The following GRIA4 variants were observed in gnomAD, a reference collection of about 807,000 sequenced individuals.
GRIA4 encodes the protein glutamate receptor 4.
GRIA4 carries 34 observed loss-of-function variants against 104.0 expected under a neutral mutation model. That is an observed-to-expected ratio of 0.33 (90% CI 0.25 to 0.44). The LOEUF (loss-of-function observed/expected upper bound fraction) is 0.44. Ranked by LOEUF, GRIA4 falls within the 20% of genes least tolerant of loss-of-function variation. GRIA4 has a pLI of 1.00. For synonymous variants in GRIA4, 386 were observed against 381.9 expected, an observed-to-expected ratio of 1.01 and a Z score of -0.13; for missense variants, 750 against 1,096.5, an observed-to-expected ratio of 0.68 and a Z score of 4.46.
At chr11:105,754,358 G>T (rs1940181439) in intron 4 of GRIA4, among the ~76,000 whole-genome samples, 1 of 152,154 alleles carries the variant, frequency 6.6e-6, no homozygotes, top group Non-Finnish European at 1.5e-5. Context: ...AAAGGCAAAT[G>T]AGTTAATGTT....
chr11:105,888,450 A>AT (rs1157901248), intron 6 of GRIA4, among the ~76,000 whole-genome samples: 26 of 148,048 alleles, frequency 1.8e-4, no homozygotes, highest in Middle Eastern at 3.4e-3. Context: ...CGCCCGGCTA[A>AT]TTTTTTTTTG....
intron 14 of GRIA4, among the ~76,000 whole-genome samples, chr11:105,944,923 T>C (rs370341871): frequency 7.2e-5 from 11 of 152,220 alleles, no homozygotes; most frequent in African/African-American, 2.4e-4. Context: ...TCTGATAATA[T>C]CCATTTCTCA....
At chr11:105,756,425 T>C (rs545089199) in intron 4 of GRIA4, among the ~76,000 whole-genome samples, 2 of 152,274 alleles carry the variant, frequency 1.3e-5, no homozygotes, top group South Asian at 2.1e-4. Flanking sequence ...CCAACACAAA[T>C]GTACCATTGA....
intron 14 of GRIA4, chr11:105,966,084 G>A: frequency 6.6e-7 from 1 of 1,512,206 alleles, no homozygotes; most frequent in Non-Finnish European, 9.2e-7. Context: ...GTCACCAAAA[G>A]CGGGTAAACA....
chr11:105,974,390 G>A lies in GRIA4; in HGVS notation c.2490G>A (p.Leu830=). Residue 830 remains leucine, a synonymous_variant, in exon 16 of 17, where the codon CTG becomes CTA. Transcript: ENST00000282499. ...TTGGCGGCTTGGGCTTGGCAATGCT[G>A]GTGGCTTTGATAGAGTTCTGTTACA... ...ILVGGLGLAM[L]VALIEFCYKS... 1 of 1,613,924 alleles carries A rather than the reference G, an allele frequency of 6.2e-7. No homozygotes were observed. Among genetic ancestry groups the A allele is most frequent in the Non-Finnish European group, 8.5e-7 (1 of 1,179,870 alleles).
rs1940824377 is a variant in GRIA4 at position 105,764,207 on chromosome 11, G to A, written c.487+10987G>A. On this transcript the variant is annotated intron_variant, in intron 4 of 16. Coordinates refer to ENST00000282499, the MANE Select transcript of GRIA4 (RefSeq NM_000829.4). Reference sequence around the variant, plus strand: ...GCTGGAATGCAGTGGCATGATCTCAGCTCACTGAGACCTCCACCTCCTGGG... The same window carrying A: ...GCTGGAATGCAGTGGCATGATCTCAACTCACTGAGACCTCCACCTCCTGGG... 2.6e-5 allele frequency among the ~76,000 whole-genome samples: 4 copies of A among 152,082 alleles called. 1 individual carries two copies. The highest frequency in any genetic ancestry group is 2.6e-4 in the Admixed American group (4 of 15,258).
At chr11:105,654,408 A>G (rs908791326) in intron 3 of GRIA4, among the ~76,000 whole-genome samples, 2 of 152,008 alleles carry the variant, frequency 1.3e-5, no homozygotes, top group African/African-American at 4.8e-5. Flanking sequence ...CAATCTGGCC[A>G]CTCCACAATT....
At chr11:105,890,746 T>A (rs1373277431) in intron 6 of GRIA4, among the ~76,000 whole-genome samples, 7 of 152,230 alleles carry the variant, frequency 4.6e-5, no homozygotes, top group African/African-American at 1.7e-4. Flanking sequence ...CAGCATGAGC[T>A]ATGCCTGATA....
At position 105,938,663 on chromosome 11, in the gene GRIA4, AAC is replaced by A. The variant is rs144806961; in HGVS notation, c.2294+4702_2294+4703del. On this transcript the variant is annotated intron_variant, in intron 14 of 16. Coordinates refer to ENST00000282499, the MANE Select transcript of GRIA4 (RefSeq NM_000829.4). ...AGTCTGTTGGGCTAAGGATTAGACA[AAC>A]ACACACAACAAAAATCATTTGCATC... Among the ~76,000 whole-genome samples the A allele has an allele frequency of 1.8e-3, 274 of 152,316 alleles. 7 individuals carry two copies. In the East Asian group the frequency reaches 0.044, roughly 24 times the overall value.
chr11:105,671,479 C>A (rs1473430215), intron 3 of GRIA4, among the ~76,000 whole-genome samples: 1 of 151,616 alleles, frequency 6.6e-6, no homozygotes, highest in African/African-American at 2.4e-5. Flanking sequence ...GAGTTCGAGA[C>A]TAGCCTGGCC....
chr11:105,686,759 T>C (rs1952895473), intron 3 of GRIA4, among the ~76,000 whole-genome samples: 1 of 152,188 alleles, frequency 6.6e-6, no homozygotes, highest in African/African-American at 2.4e-5. Context: ...TTTTTAGTAA[T>C]AGCCATTGTG....
At chr11:105,913,147 C>A in intron 10 of GRIA4, 1 of 515,958 alleles carries the variant, frequency 1.9e-6, no homozygotes, top group Non-Finnish European at 2.5e-6. Flanking sequence ...CTGCTATGTG[C>A]TAGGCACAGT....
chr11:105,836,737 G>T (rs1485037579), intron 4 of GRIA4, among the ~76,000 whole-genome samples: 1 of 152,128 alleles, frequency 6.6e-6, no homozygotes, highest in African/African-American at 2.4e-5. Flanking sequence ...AAGCACACTA[G>T]GTGATTCTGA....
chr11:105,914,922 G>A (rs1330891383), intron 10 of GRIA4, among the ~76,000 whole-genome samples: 1 of 152,046 alleles, frequency 6.6e-6, no homozygotes, highest in Non-Finnish European at 1.5e-5. Context: ...AAAAGATTTT[G>A]TATTTTCTTC....
chr11:105,738,930 CAA>C lies in GRIA4; in HGVS notation c.248-14038_248-14037del, dbSNP rs1301890108. On this transcript the variant is annotated intron_variant, in intron 3 of 16. Coordinates refer to ENST00000282499, the MANE Select transcript of GRIA4 (RefSeq NM_000829.4). ...TTGGAAGTTGACAAGTAAAAAAAAA[CAA>C]AAAAAAAAAAAACAAAAAAAACCCA... Among the ~76,000 whole-genome samples, 289 of 80,644 alleles carry C rather than the reference CAA, an allele frequency of 3.6e-3. 1 individual carries two copies. Among genetic ancestry groups the C allele is most frequent in the African/African-American group, 0.012 (270 of 23,090 alleles). The allele number at this position is 80,644 out of a possible 152,430, so 52.9% of individuals were successfully genotyped here. A position where few individuals can be genotyped will look rare whatever the true frequency, so the allele number is the denominator to read the frequency against.
At chr11:105,665,206 G>C (rs935690072) in intron 3 of GRIA4, among the ~76,000 whole-genome samples, 1 of 152,000 alleles carries the variant, frequency 6.6e-6, no homozygotes, top group Admixed American at 6.6e-5. Flanking sequence ...TTTTATGAGA[G>C]TCAAATTATT....
chr11:105,845,356 C>T (rs1044417389), intron 4 of GRIA4, among the ~76,000 whole-genome samples: 2 of 152,010 alleles, frequency 1.3e-5, no homozygotes, highest in Non-Finnish European at 2.9e-5. Flanking sequence ...ATCTATTGGC[C>T]GTTATGATCT....
At chr11:105,829,816 A>G (rs1396249038) in intron 4 of GRIA4, among the ~76,000 whole-genome samples, 1 of 151,904 alleles carries the variant, frequency 6.6e-6, no homozygotes, top group Admixed American at 6.6e-5. Flanking sequence ...GTTTAAAATT[A>G]TAGACTCAAG....
intron 7 of GRIA4, among the ~76,000 whole-genome samples, chr11:105,902,124 T>C (rs532472875): frequency 6.6e-6 from 1 of 152,324 alleles, no homozygotes; most frequent in East Asian, 1.9e-4. Flanking sequence ...TGTTTTATCA[T>C]GTCCTGGGGG....
Sources: gnomAD v4.1 joint callset for allele counts (sites outside exome capture counted in the v4.1 genomes callset) on GRCh38, gnomAD v4.1.1 for gene constraint, MANE v1.5 for transcripts, NCBI Gene and HGNC (gene_info 2026-07-23, HGNC 2026-07-21) for gene names.